Variants in BPTF observed in about 807,000 individuals in gnomAD.
BPTF encodes the protein nucleosome-remodeling factor subunit BPTF.
A neutral mutation model predicts 292.5 loss-of-function variants in BPTF; 18 were observed. That is an observed-to-expected ratio of 0.06 (90% CI 0.04 to 0.09). The LOEUF is 0.09. BPTF is among the 10% of genes least tolerant of loss of function. BPTF has a pLI of 1.00. For missense variants in BPTF, 2,726 were observed against 3,498.7 expected, an observed-to-expected ratio of 0.78 and a Z score of 5.57; for synonymous variants, 1,225 against 1,251.9, an observed-to-expected ratio of 0.98 and a Z score of 0.45.
chr17:67,955,886 G>T (rs181585247), intron 23 of BPTF: 1 of 152,086 alleles, frequency 6.6e-6, no homozygotes, highest in African/African-American at 2.4e-5. Context: ...GTGGCTCATG[G>T]CCTGTAATCC....
chr17:67,874,761 C>T, intron 3 of BPTF, 56 bp from the exon 4 acceptor site: 1 of 1,158,658 alleles, frequency 8.6e-7, no homozygotes, highest in South Asian at 1.4e-5. Flanking sequence ...ATTTGTGGTA[C>T]TGTTCTATTT....
At chr17:67,915,367 G>A (rs946175376) in intron 11 of BPTF, among the ~76,000 whole-genome samples, 1 of 152,184 alleles carries the variant, frequency 6.6e-6, no homozygotes, top group Non-Finnish European at 1.5e-5. Flanking sequence ...AACTACTGCA[G>A]CAAGGAGCGG....
Position 67,911,860 on chromosome 17 carries a change from G to T in BPTF, c.3976G>T (p.Val1326Phe). ...ACAGTTCAGAACTCGAGAACAAGATGTTGAAGTCTTGGAGCCGTTAAAGTG... is the reference window on the plus strand; with the variant it reads ...ACAGTTCAGAACTCGAGAACAAGATTTTGAAGTCTTGGAGCCGTTAAAGTG... Reference protein sequence around the residue: ...SEQFRTREQDVEVLEPLKCEL... With the variant: ...SEQFRTREQDFEVLEPLKCEL... The change falls in exon 11 of 28, where the codon GTT (valine) becomes TTT (phenylalanine). Residue 1326 changes from valine to phenylalanine, a missense_variant. Val to Phe is a conservative substitution (Grantham distance 50). This residue lies in a region of BPTF where 713 missense variants were observed against 714.9 expected (regional missense o/e 1.00). Coordinates refer to ENST00000306378, the MANE Select transcript of BPTF (RefSeq NM_182641.4). 1 of 1,614,096 alleles carries T rather than the reference G, an allele frequency of 6.2e-7. No individual in the cohort carries two copies. Among genetic ancestry groups the T allele is most frequent in the Non-Finnish European group, 8.5e-7 (1 of 1,179,998 alleles).
In BPTF at chr17:67,878,638, C is replaced by G. The variant is rs1168323480; in HGVS notation, c.1864+3618C>G. ...GATATTTTACTGTTCTTTGCACTTGCTAGCTCCCTTGTGACTAAGGATGTT... is the reference window on the plus strand; with the variant it reads ...GATATTTTACTGTTCTTTGCACTTGGTAGCTCCCTTGTGACTAAGGATGTT... On this transcript the variant is annotated intron_variant, in intron 4 of 27. Transcript: ENST00000306378. Among the ~76,000 whole-genome samples, 3 of 151,958 alleles carry G rather than the reference C, an allele frequency of 2.0e-5. No homozygotes were observed. The East Asian group carries it at 5.8e-4, about 29-fold the overall frequency.
At chr17:67,840,314 C>G (rs1402292125) in intron 1 of BPTF, among the ~76,000 whole-genome samples, 4 of 151,956 alleles carry the variant, frequency 2.6e-5, no homozygotes, top group Non-Finnish European at 5.9e-5. Flanking sequence ...ATTATGTTGC[C>G]CAGACTGATT....
intron 1 of BPTF, among the ~76,000 whole-genome samples, chr17:67,838,032 A>G (rs1407193311): frequency 6.6e-6 from 1 of 152,208 alleles, no homozygotes; most frequent in African/African-American, 2.4e-5. Flanking sequence ...AGGATGGACT[A>G]GATGATCTAA....
At chr17:67,929,208 C>T (rs780460026) in intron 16 of BPTF, 128 bp from the exon 17 acceptor site, 64 of 1,438,492 alleles carry the variant, frequency 4.4e-5, no homozygotes, top group Middle Eastern at 2.0e-4. Flanking sequence ...TTTCAGTCCT[C>T]GGATCTCACA....
At chr17:67,880,143 C>G (rs976776631) in intron 4 of BPTF, among the ~76,000 whole-genome samples, 4 of 152,062 alleles carry the variant, frequency 2.6e-5, no homozygotes, top group African/African-American at 7.2e-5. Flanking sequence ...TATACTCGCT[C>G]TATTTTTCCA....
intron 1 of BPTF, among the ~76,000 whole-genome samples, chr17:67,839,535 G>A (rs2057394406): frequency 6.6e-6 from 1 of 152,020 alleles, no homozygotes; most frequent in African/African-American, 2.4e-5. Flanking sequence ...TTCATGTACT[G>A]TTTGACTTTT....
rs2063065953 is a variant in BPTF at position 67,917,131 on chromosome 17, C to CCTTTTTTTTTTTTTTTTTTTTTTTT, written c.5304-1583_5304-1582insCTTTTTTTTTTTTTTTTTTTTTTTT. Among the ~76,000 whole-genome samples, 48 of 105,782 alleles carry CCTTTTTTTTTTTTTTTTTTTTTTTT rather than the reference C, an allele frequency of 4.5e-4. 5 individuals carry two copies. Among genetic ancestry groups the CCTTTTTTTTTTTTTTTTTTTTTTTT allele is most frequent in the African/African-American group, 1.6e-3 (44 of 27,628 alleles). The allele number at this position is 105,782 out of a possible 152,430, so 69.4% of individuals were successfully genotyped here. A position where few individuals can be genotyped will look rare whatever the true frequency, so the allele number is the denominator to read the frequency against. On this transcript the variant is annotated intron_variant, in intron 11 of 27. Coordinates refer to ENST00000306378, the MANE Select transcript of BPTF (RefSeq NM_182641.4). ...GATAAGTAACTAATATGGTATTGTC[C>CCTTTTTTTTTTTTTTTTTTTTTTTT]TTTTTTTTTTTTTTTTTTTGAGATA...
At chr17:67,853,864 G>A (rs564005359) in intron 1 of BPTF, 76 bp from the exon 2 acceptor site, 2 of 1,076,860 alleles carry the variant, frequency 1.9e-6, no homozygotes, top group Non-Finnish European at 2.7e-6. Context: ...TTTTAGGGGG[G>A]TATATGTTCA....
chr17:67,916,336 T>C (rs1372352225), intron 11 of BPTF, among the ~76,000 whole-genome samples: 1 of 152,148 alleles, frequency 6.6e-6, no homozygotes, highest in Admixed American at 6.5e-5. Flanking sequence ...GGCTCACGCC[T>C]CCCAGCACTT....
chr17:67,917,057 C>G (rs540176451), intron 11 of BPTF, among the ~76,000 whole-genome samples: 34 of 151,152 alleles, frequency 2.2e-4, no homozygotes, highest in African/African-American at 8.0e-4. Flanking sequence ...TTAGTACCTC[C>G]ACACACAATG....
chr17:67,941,134 C>A (rs2065328579), intron 19 of BPTF, among the ~76,000 whole-genome samples: 1 of 152,196 alleles, frequency 6.6e-6, no homozygotes, highest in Non-Finnish European at 1.5e-5. Flanking sequence ...ATTATTTGCC[C>A]TATATATGAT....
chr17:67,893,416 A>T lies in BPTF; in HGVS notation c.2102A>T (p.Lys701Ile), dbSNP rs767560058. The T allele has an allele frequency of 6.2e-7, 1 of 1,614,084 alleles. No individual in the cohort carries two copies. The highest frequency in any genetic ancestry group is 8.5e-7 in the Non-Finnish European group (1 of 1,180,036). Residue 701 changes from lysine to isoleucine, a missense_variant, in exon 6 of 28, where the codon AAA becomes ATA. This residue lies in a region of BPTF where 63 missense variants were observed against 84.1 expected (regional missense o/e 0.75). Coordinates refer to ENST00000306378, the MANE Select transcript of BPTF (RefSeq NM_182641.4). ...GGAGAAATTTCACGGTTGAGCACCA[A>T]AAAGGAAGTGATCATGAAAGGAAAT... ...SQGEISRLST[K>I]KEVIMKGNIN...
intron 1 of BPTF, among the ~76,000 whole-genome samples, chr17:67,851,192 G>T (rs2058376306): frequency 6.6e-6 from 1 of 151,948 alleles, no homozygotes; most frequent in Non-Finnish European, 1.5e-5. Context: ...GAGTTGTTTG[G>T]CATGAGGTCC....
At chr17:67,978,778 ATTTG>A (rs1473771339) in intron 27 of BPTF, among the ~76,000 whole-genome samples, 4 of 152,154 alleles carry the variant, frequency 2.6e-5, no homozygotes, top group Admixed American at 1.3e-4. Flanking sequence ...ACATTAGATA[ATTTG>A]TTTAAGACAG....
chr17:67,945,540 C>G lies in BPTF; in HGVS notation c.6832C>G (p.Gln2278Glu). The change falls in exon 21 of 28, where the codon CAG becomes GAG. Residue 2278 changes from glutamine (Q) to glutamate (E), a missense_variant. Gln to Glu is a conservative substitution (Grantham distance 29). Around this residue, in one of 22 missense-constraint regions of BPTF, gnomAD observed 570 missense variants for 633.5 expected, o/e 0.90. Transcript: ENST00000306378. Reference sequence around the variant, plus strand: ...GCCACAGACTGCTCAGCCTTCAGCTCAGCCCCAGCCCCAAACCCAGCCCCA... The same window carrying G: ...GCCACAGACTGCTCAGCCTTCAGCTGAGCCCCAGCCCCAAACCCAGCCCCA... ...AQPQTAQPSA[Q>E]PQPQTQPQSP... The G allele has an allele frequency of 6.2e-7, 1 of 1,612,688 alleles. No homozygotes were observed. Among genetic ancestry groups the G allele is most frequent in the South Asian group, 1.1e-5 (1 of 90,892 alleles).
At chr17:67,924,444 T>C in intron 14 of BPTF, 103 bp from the exon 15 acceptor site, 1 of 1,186,716 alleles carries the variant, frequency 8.4e-7, no homozygotes, top group South Asian at 1.4e-5. Context: ...TGAGATAATA[T>C]CATACCTTTG....
Sources: allele counts gnomAD v4.1 joint callset (sites outside exome capture counted in the v4.1 genomes callset), GRCh38; gene constraint gnomAD v4.1.1; regional missense constraint gnomAD v4.1.1; transcripts MANE v1.5; gene names NCBI Gene and HGNC (gene_info 2026-07-23, HGNC 2026-07-21).